The following COBLL1 variants were observed in gnomAD, a reference collection of about 807,000 sequenced individuals.
The protein encoded by COBLL1 is cordon-bleu WH2 repeat protein like 1.
In COBLL1, 50 loss-of-function variants were observed where a neutral mutation model predicts 94.8. The observed-to-expected ratio is 0.53, with a 90% confidence interval of 0.42 to 0.67. The LOEUF is 0.67. Ranked by LOEUF, COBLL1 falls within the 30% of genes least tolerant of loss-of-function variation. The pLI is 0.00. For synonymous variants in COBLL1, 448 were observed against 473.8 expected, an observed-to-expected ratio of 0.95 and a Z score of 0.71; for missense variants, 1,362 against 1,348.7, an observed-to-expected ratio of 1.01 and a Z score of -0.15.
chr2:164,774,189 T>C (rs1688351204), intron 2 of COBLL1, among the ~76,000 whole-genome samples: 1 of 151,992 alleles, frequency 6.6e-6, no homozygotes, highest in Non-Finnish European at 1.5e-5. Flanking sequence ...TATATAAAAA[T>C]AAAATTCAGA....
At chr2:164,794,098 C>A (rs1231188287) in intron 2 of COBLL1, among the ~76,000 whole-genome samples, 1 of 152,052 alleles carries the variant, frequency 6.6e-6, no homozygotes, top group African/African-American at 2.4e-5. Flanking sequence ...GAAGGAAGTT[C>A]ACAGCAGAGC....
At chr2:164,794,176 A>G (rs1232048161) in intron 2 of COBLL1, among the ~76,000 whole-genome samples, 4 of 152,138 alleles carry the variant, frequency 2.6e-5, no homozygotes, top group Non-Finnish European at 2.9e-5. Flanking sequence ...GAAAAATCCA[A>G]ACCTCAAAAC....
chr2:164,749,831 G>A (rs1411221938), intron 2 of COBLL1, among the ~76,000 whole-genome samples: 1 of 151,910 alleles, frequency 6.6e-6, no homozygotes, highest in Non-Finnish European at 1.5e-5. Flanking sequence ...AATAACCTAT[G>A]AGGGTCCAAA....
chr2:164,767,739 T>G (rs1258690313), intron 2 of COBLL1, among the ~76,000 whole-genome samples: 1 of 152,198 alleles, frequency 6.6e-6, no homozygotes, highest in Non-Finnish European at 1.5e-5. Context: ...ATTTTTTGGT[T>G]AGGGTAGGTA....
At chr2:164,761,317 A>T (rs1219459050) in intron 2 of COBLL1, 1 of 152,386 alleles carries the variant, frequency 6.6e-6, no homozygotes, top group Admixed American at 6.5e-5. Flanking sequence ...CTGAGGCAGG[A>T]GAATCACTTG....
chr2:164,777,331 TAC>T (rs72061846), intron 2 of COBLL1, among the ~76,000 whole-genome samples: 23,838 of 148,564 alleles, frequency 0.16, 1,960 homozygotes, highest in Admixed American at 0.2. Flanking sequence ...AATCATGAGT[TAC>T]ACACACACAC....
intron 2 of COBLL1, among the ~76,000 whole-genome samples, chr2:164,828,126 A>T (rs1345659795): frequency 6.6e-6 from 1 of 152,186 alleles, no homozygotes; most frequent in Non-Finnish European, 1.5e-5. Flanking sequence ...TACTCGGTTC[A>T]ATACTCTGCA....
At chr2:164,669,017 A>G (rs967614618) in intron 1 of COBLL1, among the ~76,000 whole-genome samples, 2 of 152,232 alleles carry the variant, frequency 1.3e-5, no homozygotes, top group Admixed American at 6.5e-5. Context: ...ACAGGAATGT[A>G]CCAATTTATC....
intron 5 of COBLL1, among the ~76,000 whole-genome samples, chr2:164,727,668 A>C (rs1685780635): frequency 6.7e-6 from 1 of 148,180 alleles, no homozygotes; most frequent in Admixed American, 6.8e-5. Context: ...AAAGCCATGA[A>C]GAATTAAGTT....
intron 2 of COBLL1, among the ~76,000 whole-genome samples, chr2:164,750,681 ATC>A (rs1687079117): frequency 6.6e-6 from 1 of 152,164 alleles, no homozygotes; most frequent in Non-Finnish European, 1.5e-5. Flanking sequence ...ATCAGATCAC[ATC>A]TCTCTAATCC....
intron 1 of COBLL1, among the ~76,000 whole-genome samples, chr2:164,669,115 T>C (rs997838848): frequency 6.6e-6 from 1 of 152,238 alleles, no homozygotes; most frequent in Non-Finnish European, 1.5e-5. Context: ...TGTTTTTAGA[T>C]ACTTTTGTTC....
intron 2 of COBLL1, among the ~76,000 whole-genome samples, chr2:164,803,570 T>A (rs367812101): frequency 0.12 from 16,323 of 141,436 alleles, 1,052 homozygotes; most frequent in African/African-American, 0.15. Context: ...GTCTCAAAAA[T>A]AAATAAATAA....
At chr2:164,779,119 G>A (rs1482743388) in intron 2 of COBLL1, among the ~76,000 whole-genome samples, 1 of 150,896 alleles carries the variant, frequency 6.6e-6, no homozygotes, top group East Asian at 1.9e-4. Flanking sequence ...TGTTGTTGTT[G>A]TTTTGTTTTT....
intron 1 of COBLL1, among the ~76,000 whole-genome samples, chr2:164,670,575 T>C (rs1157825115): frequency 6.6e-6 from 1 of 152,228 alleles, no homozygotes; most frequent in Admixed American, 6.5e-5. Flanking sequence ...ATGAATACAG[T>C]GTTTTAGAAC....
chr2:164,773,391 A>G (rs1688301940), intron 2 of COBLL1, among the ~76,000 whole-genome samples: 1 of 152,142 alleles, frequency 6.6e-6, no homozygotes, highest in South Asian at 2.1e-4. Context: ...TTAATATTAT[A>G]TACACACAGT....
chr2:164,841,859 G>A, upstream of COBLL1: 1 of 850,138 alleles, frequency 1.2e-6, no homozygotes, highest in Non-Finnish European at 1.8e-6. The surrounding 1 kb of genome is among the most constrained non-coding windows in gnomAD (Gnocchi z 5.5). Context: ...TCAGCCCAGC[G>A]CGGGCAGGGC....
At position 164,681,817 on chromosome 2, in the gene COBLL1, C is replaced by T. The variant is rs1454446272; in HGVS notation, c.*4129G>A. Reference sequence around the variant, plus strand: ...TTGTGAAGCAGAGATGCCAACAGATCTCTACAAATTACCAGAATGTTCCAC... The same window carrying T: ...TTGTGAAGCAGAGATGCCAACAGATTTCTACAAATTACCAGAATGTTCCAC... On this transcript the variant is annotated 3_prime_UTR_variant, in exon 14 of 14. Coordinates refer to ENST00000652658, the MANE Select transcript of COBLL1 (RefSeq NM_001365672.2). 6.6e-6 allele frequency: 1 copy of T among 152,200 alleles called. No individual in the cohort carries two copies. Among genetic ancestry groups the T allele is most frequent in the Admixed American group, 6.6e-5 (1 of 15,266 alleles). 9.4% of individuals were successfully genotyped at this position (152,200 alleles called of 1,614,324 possible).
chr2:164,769,797 C>CG (rs949070866), intron 2 of COBLL1, among the ~76,000 whole-genome samples: 27 of 152,252 alleles, frequency 1.8e-4, no homozygotes, highest in African/African-American at 6.3e-4. Context: ...ATACCCCCCC[C>CG]AGAGCAAGCA....
chr2:164,756,770 C>T (rs1351322291), intron 2 of COBLL1, among the ~76,000 whole-genome samples: 1 of 151,884 alleles, frequency 6.6e-6, no homozygotes, highest in African/African-American at 2.4e-5. Context: ...AAAAGATACA[C>T]ACTTGCAAAA....
Sources: gnomAD v4.1 joint callset for allele counts (sites outside exome capture counted in the v4.1 genomes callset) on GRCh38, gnomAD v4.1.1 for gene constraint, Gnocchi (gnomAD v3.1) non-coding constraint, MANE v1.5 for transcripts, NCBI Gene and HGNC (gene_info 2026-07-23, HGNC 2026-07-21) for gene names.